TTN: variants seen among roughly 807,000 people sequenced by gnomAD.
TTN encodes titin, also known as connectin.
TTN carries 1,525 observed loss-of-function variants against 3,223.0 expected under a neutral mutation model. The observed-to-expected ratio is 0.47, with a 90% confidence interval of 0.45 to 0.49. The LOEUF (loss-of-function observed/expected upper bound fraction) is 0.49, where lower values mean the gene tolerates loss of function less well. Among genes scored for constraint, TTN ranks in the 20% least tolerant of loss-of-function variants. The pLI, the probability that TTN is intolerant of heterozygous loss-of-function variation, is 0.00. For missense variants in TTN, 40,786 were observed against 43,424.0 expected, an observed-to-expected ratio of 0.94 and a Z score of 5.40; for synonymous variants, 14,094 against 15,161.0, an observed-to-expected ratio of 0.93 and a Z score of 5.17.
Position 178,634,274 on chromosome 2 carries a change from T to C in TTN, c.42415+92A>G. On this transcript the variant is annotated intron_variant, in intron 230 of 362. Coordinates refer to ENST00000589042, the MANE Select transcript of TTN (RefSeq NM_001267550.2). The surrounding 1 kb of genome is among the most constrained non-coding windows in gnomAD (Gnocchi z 4.6). ...ACTGTGAAAGTTAATTAGTGATGCA[T>C]TATCACAGCTTTTAGAACTTGGCGT... 4.6e-6 allele frequency: 7 copies of C among 1,518,650 alleles called. No individual in the cohort carries two copies. Among genetic ancestry groups the C allele is most frequent in the Non-Finnish European group, 5.3e-6 (6 of 1,141,388 alleles). 94.1% of individuals were successfully genotyped at this position (1,518,650 alleles called of 1,614,324 possible).
In TTN at chr2:178,587,427, A is replaced by G; in HGVS notation, c.63794-10T>C. 1 of 1,604,058 alleles carries G rather than the reference A, an allele frequency of 6.2e-7. No individual in the cohort carries two copies. The highest frequency in any genetic ancestry group is 8.5e-7 in the Non-Finnish European group (1 of 1,175,550). ...ACAGGCCCAGGAGTGTCTGTAAAGA[A>G]TCATAAAATCAGATATACATGTCTC... On this transcript the variant is annotated splice_polypyrimidine_tract_variant and intron_variant, in intron 306 of 362. Coordinates refer to ENST00000589042, the MANE Select transcript of TTN (RefSeq NM_001267550.2).
rs1289473781 is a variant in TTN at position 178,581,989 on chromosome 2, T to G, written c.66380A>C (p.Glu22127Ala). The G allele has an allele frequency of 1.2e-6, 2 of 1,613,342 alleles. No individual in the cohort carries two copies. Among genetic ancestry groups the G allele is most frequent in the Admixed American group, 3.3e-5 (2 of 59,976 alleles). The stretch of plus-strand genomic sequence containing the variant: ...TTTATTTATAGCTGTAACACGGAAC[T>G]CATATTCGGTACCTTCTTGAAGACC... The part of the protein sequence containing the change: ...ATGLQEGTEY[E>A]FRVTAINKAG... Residue 22127 changes from glutamate to alanine, a missense_variant, in exon 315 of 363, where the codon GAG becomes GCG. Transcript: ENST00000589042.
At chr2:178,689,957 G>A (rs1204962766) in intron 121 of TTN, 61 bp from the exon 122 acceptor site, 2 of 1,395,628 alleles carry the variant, frequency 1.4e-6, no homozygotes, top group African/African-American at 2.9e-5. Flanking sequence ...AAAGAACATA[G>A]GCACATGCAC....
rs747247583 is a variant in TTN at position 178,717,814 on chromosome 2, T to C, written c.25064-4A>G. ...AAGAAAGGTGGAAGTTTGCGCGCTGTAAAGAAGTTACAGATAATCCTTATT... is the reference window on the plus strand; with the variant it reads ...AAGAAAGGTGGAAGTTTGCGCGCTGCAAAGAAGTTACAGATAATCCTTATT... On this transcript the variant is annotated splice_region_variant and splice_polypyrimidine_tract_variant and intron_variant, in intron 86 of 362. Coordinates refer to ENST00000589042, the MANE Select transcript of TTN (RefSeq NM_001267550.2). 3.8e-6 allele frequency: 6 copies of C among 1,597,228 alleles called. No homozygotes were observed. Among genetic ancestry groups the C allele is most frequent in the Admixed American group, 1.7e-5 (1 of 57,690 alleles).
chr2:178,704,448 C>T (rs369337943), intron 105 of TTN, 41 bp from the exon 106 acceptor site: 65 of 1,601,540 alleles, frequency 4.1e-5, no homozygotes, highest in Non-Finnish European at 4.2e-5. Context: ...CAATATCACA[C>T]GCAGATGTGC....
At position 178,621,895 on chromosome 2, in the gene TTN, A is replaced by C; in HGVS notation, c.45027T>G (p.Ala15009=). 1 of 1,612,264 alleles carries C rather than the reference A, an allele frequency of 6.2e-7. No homozygotes were observed. The highest frequency in any genetic ancestry group is 8.5e-7 in the Non-Finnish European group (1 of 1,179,018). The part of the protein sequence containing the change: ...VINKCLLDDE[A]EYSCEVRTAR... ...CTGTCCTTACTTCACAGGAATATTCAGCTTCATCATCCAGTAGACATTTGT... is the reference window on the plus strand; with the variant it reads ...CTGTCCTTACTTCACAGGAATATTCCGCTTCATCATCCAGTAGACATTTGT... The change falls in exon 244 of 363, where the codon GCT becomes GCG. Residue 15009 remains alanine (A), a synonymous_variant. Coordinates refer to ENST00000589042, the MANE Select transcript of TTN (RefSeq NM_001267550.2).
intron 359 of TTN, 159 bp from the exon 360 acceptor site, chr2:178,529,378 A>T (rs2154131835): frequency 2.0e-6 from 1 of 504,654 alleles, no homozygotes; most frequent in African/African-American, 2.0e-5. Context: ...CTTTTGGAAA[A>T]TTATCATGTG....
Position 178,672,590 on chromosome 2 carries a change from GA to G in TTN, c.34855+44del, listed in dbSNP as rs1560261600. 1.9e-6 allele frequency: 3 copies of G among 1,607,768 alleles called. No homozygotes were observed. The South Asian group carries it at 3.3e-5, about 18-fold the overall frequency. On this transcript the variant is annotated intron_variant, in intron 153 of 362. Coordinates refer to ENST00000589042, the MANE Select transcript of TTN (RefSeq NM_001267550.2). ...AGACATGAAACATAAAAGTCTTAACGAAAAAAGACAGAAGAGGAAGTCAGGT... is the reference window on the plus strand; with the variant it reads ...AGACATGAAACATAAAAGTCTTAACGAAAAAGACAGAAGAGGAAGTCAGGT...
In TTN at chr2:178,564,365, T is replaced by C. The variant is rs748963818; in HGVS notation, c.81767A>G (p.Glu27256Gly). 9.9e-6 allele frequency: 16 copies of C among 1,613,724 alleles called. 1 individual carries two copies. The South Asian group carries it at 1.6e-4, about 17-fold the overall frequency. Reference sequence around the variant, plus strand: ...AATGGCACCACTACTATCAGATGGTTCACTAAAGTTTCCAGCTGCATTTCT... The same window carrying C: ...AATGGCACCACTACTATCAGATGGTCCACTAAAGTTTCCAGCTGCATTTCT... ...IARNAAGNFS[E>G]PSDSSGAITA... The change falls in exon 326 of 363, where the codon GAA becomes GGA. Residue 27256 changes from glutamate (E) to glycine (G), a missense_variant. Transcript: ENST00000589042.
Position 178,709,754 on chromosome 2 carries a change from G to C in TTN, c.28565C>G (p.Pro9522Arg). The C allele has an allele frequency of 1.9e-6, 3 of 1,613,866 alleles. No homozygotes were observed. The South Asian group carries it at 3.3e-5, about 18-fold the overall frequency. Residue 9522 changes from proline to arginine, a missense_variant, in exon 99 of 363, where the codon CCT (proline) becomes CGT (arginine). By Grantham distance (103) the Pro-to-Arg change is moderately radical. Coordinates refer to ENST00000589042, the MANE Select transcript of TTN (RefSeq NM_001267550.2). Reference protein sequence around the residue: ...KLEGRVAGSQPITVAWYKNNI... With the variant: ...KLEGRVAGSQRITVAWYKNNI... ...ATTTTTGTACCAGGCAACAGTTATA[G>C]GTTGGGAACCAGCCACACGTCCCTC...
chr2:178,703,768 C>A (rs1033634822), intron 106 of TTN, among the ~76,000 whole-genome samples: 73 of 152,086 alleles, frequency 4.8e-4, no homozygotes, highest in Non-Finnish European at 1.6e-4. Flanking sequence ...CAGACTAAGT[C>A]CTATAAACAA....
At chr2:178,672,744 A>T in intron 152 of TTN, 41 bp from the exon 153 acceptor site, 1 of 1,490,168 alleles carries the variant, frequency 6.7e-7, no homozygotes, top group Non-Finnish European at 9.1e-7. Context: ...GAGAATGTTC[A>T]ATAACACACA....
chr2:178,572,029 T>C lies in TTN; in HGVS notation c.74103A>G (p.Arg24701=), dbSNP rs748382413. Residue 24701 remains arginine, a synonymous_variant, in exon 326 of 363, where the codon AGA becomes AGG. Transcript: ENST00000589042. The part of the protein sequence containing the change: ...AQNEKGISDP[R]QLSVPVIAKD... ...TGGCGATCACTGGCACACTCAGTTGTCTAGGATCACTGATGCCCTTTTCAT... is the reference window on the plus strand; with the variant it reads ...TGGCGATCACTGGCACACTCAGTTGCCTAGGATCACTGATGCCCTTTTCAT... 1 of 1,613,138 alleles carries C rather than the reference T, an allele frequency of 6.2e-7. No homozygotes were observed. Among genetic ancestry groups the C allele is most frequent in the African/African-American group, 1.3e-5 (1 of 74,890 alleles).
At chr2:178,757,229 A>ACTTTACTTGCTTTAAGT (rs1398848581) in intron 45 of TTN, among the ~76,000 whole-genome samples, 1 of 149,626 alleles carries the variant, frequency 6.7e-6, no homozygotes, top group Admixed American at 6.7e-5. Flanking sequence ...AGTAAGTAAT[A>ACTTTACTTGCTTTAAGT]ATCAGCAAAT....
chr2:178,640,739 A>AC, intron 220 of TTN, 109 bp from the exon 221 acceptor site: 1 of 842,630 alleles, frequency 1.2e-6, no homozygotes. Flanking sequence ...TTTTTAAAAA[A>AC]CCTTATAGTT....
At chr2:178,665,518 A>C in intron 164 of TTN, 58 bp from the exon 165 acceptor site, 1 of 1,553,212 alleles carries the variant, frequency 6.4e-7, no homozygotes, top group South Asian at 1.1e-5. Context: ...GACATTAATT[A>C]AATGAGCTGA....
rs1864243 is a variant in TTN, at chr2:178,619,327, C to T, written c.46696+294G>A. The T allele has an allele frequency of 0.042, 19,541 of 461,380 alleles. 987 individuals are homozygous for T. Among genetic ancestry groups the T allele is most frequent in the South Asian group, 0.15 (5,664 of 37,730 alleles). The allele number at this position is 461,380 out of a possible 1,614,324, so 28.6% of individuals were successfully genotyped here. A position where few individuals can be genotyped will look rare whatever the true frequency, so the allele number is the denominator to read the frequency against. On this transcript the variant is annotated intron_variant, in intron 250 of 362. Coordinates refer to ENST00000589042, the MANE Select transcript of TTN (RefSeq NM_001267550.2). ...TTTGTAAAGTAGGAGAGTATAAGAC[C>T]GTCTTTAGATTTGCCAAGACTCTCA...
Position 178,724,307 on chromosome 2 carries a change from T to G in TTN, c.21068A>C (p.Gln7023Pro), listed in dbSNP as rs753621469. The G allele has an allele frequency of 5.6e-6, 9 of 1,613,384 alleles. No homozygotes were observed. Among genetic ancestry groups the G allele is most frequent in the Non-Finnish European group, 7.6e-6 (9 of 1,179,618 alleles). The change falls in exon 72 of 363, where the codon CAA (glutamine) becomes CCA (proline). Residue 7023 changes from glutamine to proline, a missense_variant. Physicochemically the swap from Gln to Pro is moderately conservative, Grantham distance 76. Transcript: ENST00000589042. ...GCAGCTGCTTTTCCCAACATTATTTTGAACCTGGAAAGTGTATGTGCCTGC... is the reference window on the plus strand; with the variant it reads ...GCAGCTGCTTTTCCCAACATTATTTGGAACCTGGAAAGTGTATGTGCCTGC... ...QDAGTYTFQV[Q>P]NNVGKSSCTA...
At chr2:178,748,025 G>GCCAA in intron 47 of TTN, 2 of 1,612,912 alleles carry the variant, frequency 1.2e-6, no homozygotes, top group Non-Finnish European at 1.7e-6. Flanking sequence ...TGGAAATGCT[G>GCCAA]CCAACTCTGG....
Sources: gnomAD v4.1 joint callset for allele counts (sites outside exome capture counted in the v4.1 genomes callset) on GRCh38, gnomAD v4.1.1 for gene constraint, Gnocchi (gnomAD v3.1) non-coding constraint, MANE v1.5 for transcripts, NCBI Gene and HGNC (gene_info 2026-07-23, HGNC 2026-07-21) for gene names.